Variants in AHCYL2 observed in about 807,000 individuals in gnomAD.
AHCYL2 encodes the protein S-adenosylhomocysteine hydrolase-like protein 2.
AHCYL2 carries 28 observed loss-of-function variants against 81.4 expected under a neutral mutation model. The observed-to-expected ratio is 0.34, with a 90% CI of 0.25 to 0.47. AHCYL2 has a LOEUF of 0.47. AHCYL2 is among the 20% of genes least tolerant of loss of function. The pLI, the probability that AHCYL2 is intolerant of heterozygous loss-of-function variation, is 1.00. For missense variants in AHCYL2, 551 were observed against 785.1 expected (o/e 0.70, Z 3.56); for synonymous variants, 272 against 290.2 (o/e 0.94, Z 0.64).
chr7:129,308,298 T>C (rs1333268479), intron 1 of AHCYL2, among the ~76,000 whole-genome samples: 3 of 152,170 alleles, frequency 2.0e-5, no homozygotes, highest in African/African-American at 4.8e-5. Context: ...CCCCTCTGGC[T>C]AGGGCTTTTC....
chr7:129,413,663 G>C lies in AHCYL2; in HGVS notation c.1436G>C (p.Gly479Ala), dbSNP rs1403986905. The C allele has an allele frequency of 6.2e-7, 1 of 1,613,942 alleles. No homozygotes were observed. The highest frequency in any genetic ancestry group is 8.5e-7 in the Non-Finnish European group (1 of 1,180,008). Reference sequence around the variant, plus strand: ...AATAGCTGCATCGTTTGTAACATGGGACATTCCAACACAGAGATTGACGTG... The same window carrying C: ...AATAGCTGCATCGTTTGTAACATGGCACATTCCAACACAGAGATTGACGTG... ...MKNSCIVCNM[G>A]HSNTEIDVAS... Residue 479 changes from glycine to alanine, a missense_variant, in exon 12 of 17, where the codon GGA becomes GCA. Transcript: ENST00000325006.
At chr7:129,421,582 G>A (rs1797120840) in intron 12 of AHCYL2, among the ~76,000 whole-genome samples, 1 of 152,136 alleles carries the variant, frequency 6.6e-6, no homozygotes. Context: ...CTCCAGAAAG[G>A]TTGAACCAAT....
intron 1 of AHCYL2, among the ~76,000 whole-genome samples, chr7:129,305,387 G>A (rs1797404193): frequency 6.6e-6 from 1 of 152,114 alleles, no homozygotes; most frequent in Non-Finnish European, 1.5e-5. Context: ...TTGAATCCGG[G>A]AGGCAGAGGT....
intron 1 of AHCYL2, among the ~76,000 whole-genome samples, chr7:129,237,149 A>T (rs1794669218): frequency 6.6e-6 from 1 of 152,090 alleles, no homozygotes; most frequent in South Asian, 2.1e-4. Flanking sequence ...TTTGGCTTCA[A>T]CATTTTGTGT....
intron 1 of AHCYL2, among the ~76,000 whole-genome samples, chr7:129,247,839 C>G (rs1163357844): frequency 6.6e-6 from 1 of 152,142 alleles, no homozygotes. Context: ...TGGGTTCAAT[C>G]AATCTGCCCA....
intron 1 of AHCYL2, among the ~76,000 whole-genome samples, chr7:129,371,704 TTC>T (rs1481087304): frequency 6.6e-6 from 1 of 152,238 alleles, no homozygotes; most frequent in Non-Finnish European, 1.5e-5. Flanking sequence ...CAATAACTTT[TTC>T]TGTGTTTCAA....
In AHCYL2 at chr7:129,279,648, C is replaced by T. The variant is rs192876228; in HGVS notation, c.363+54209C>T. ...ATGGCTGCTTCATAAGCAGAGCAGC[C>T]CTGAGTGCTGCTGGTTGGCTATTTT... On this transcript the variant is annotated intron_variant, in intron 1 of 16. Coordinates refer to ENST00000325006, the MANE Select transcript of AHCYL2 (RefSeq NM_015328.4). Among the ~76,000 whole-genome samples the T allele has an allele frequency of 1.8e-3, 272 of 152,146 alleles. 1 individual carries two copies. The highest frequency in any genetic ancestry group is 5.9e-3 in the African/African-American group (244 of 41,506).
At chr7:129,346,586 A>G (rs938187284) in intron 1 of AHCYL2, among the ~76,000 whole-genome samples, 12 of 152,202 alleles carry the variant, frequency 7.9e-5, no homozygotes, top group Admixed American at 6.5e-4. Context: ...TTGAAATACC[A>G]CTACTCATCT....
intron 1 of AHCYL2, among the ~76,000 whole-genome samples, chr7:129,301,828 AGCTTT>A (rs1221977328): frequency 1.3e-5 from 2 of 151,562 alleles, no homozygotes; most frequent in Non-Finnish European, 2.9e-5. Context: ...TGCCCATGAT[AGCTTT>A]GACTATTCTG....
intron 1 of AHCYL2, among the ~76,000 whole-genome samples, chr7:129,243,891 C>A (rs1410353519): frequency 2.6e-5 from 4 of 152,112 alleles, no homozygotes; most frequent in Admixed American, 2.6e-4. Context: ...CCATGCCTGG[C>A]CTTCACAGTC....
At position 129,379,727 on chromosome 7, in the gene AHCYL2, A is replaced by G. The variant is rs377257813; in HGVS notation, c.453A>G (p.Ser151=). 6.2e-7 allele frequency: 1 copy of G among 1,614,092 alleles called. No individual in the cohort carries two copies. ...RRSLSRSISQ[S]STDSYSSAAS... is the part of the protein sequence containing the mutation. ...CTTTGTCTCGTTCCATTTCTCAGTC[A>G]TCTACTGACAGCTACAGCTCAGGTG... The change falls in exon 2 of 17, where the codon TCA becomes TCG. Residue 151 remains serine (S), a synonymous_variant. Coordinates refer to ENST00000325006, the MANE Select transcript of AHCYL2 (RefSeq NM_015328.4).
intron 1 of AHCYL2, among the ~76,000 whole-genome samples, chr7:129,377,248 T>G (rs1338565417): frequency 6.6e-6 from 1 of 152,194 alleles, no homozygotes; most frequent in South Asian, 2.1e-4. Context: ...AAAGTTCATG[T>G]ACGTCCTATG....
intron 1 of AHCYL2, among the ~76,000 whole-genome samples, chr7:129,353,571 T>C (rs1167752449): frequency 6.6e-6 from 1 of 151,172 alleles, no homozygotes; most frequent in Non-Finnish European, 1.5e-5. Flanking sequence ...TACTTAATTT[T>C]TTATCCGTCT....
At position 129,428,580 on chromosome 7, in the gene AHCYL2, A is replaced by C. The variant is rs1797453254; in HGVS notation, c.*1535A>C. ...TTTTTCCTATGCTGGTCTGCCTCAA[A>C]GTCTCAAGACCAAGGTGACTCAAGA... On this transcript the variant is annotated 3_prime_UTR_variant, in exon 17 of 17. Coordinates refer to ENST00000325006, the MANE Select transcript of AHCYL2 (RefSeq NM_015328.4). 2 of 152,198 alleles carry C rather than the reference A, an allele frequency of 1.3e-5. No individual in the cohort carries two copies. Among genetic ancestry groups the C allele is most frequent in the Non-Finnish European group, 2.9e-5 (2 of 68,062 alleles). The allele number at this position is 152,198 out of a possible 1,614,324, so 9.4% of individuals were successfully genotyped here.
At chr7:129,267,920 C>G (rs1395752043) in intron 1 of AHCYL2, among the ~76,000 whole-genome samples, 1 of 151,920 alleles carries the variant, frequency 6.6e-6, no homozygotes, top group Non-Finnish European at 1.5e-5. Context: ...TTAAAAGTAC[C>G]TATAACATGG....
chr7:129,338,276 G>A (rs537159051), intron 1 of AHCYL2, among the ~76,000 whole-genome samples: 74 of 151,932 alleles, frequency 4.9e-4, no homozygotes, highest in Non-Finnish European at 9.4e-4. Flanking sequence ...AGCCTTCTGA[G>A]TAGCTAGGAC....
chr7:129,340,095 T>C (rs1793116311), intron 1 of AHCYL2, among the ~76,000 whole-genome samples: 1 of 147,130 alleles, frequency 6.8e-6, no homozygotes, highest in Non-Finnish European at 1.5e-5. Flanking sequence ...ATTTTTTGTA[T>C]TTTTTTTTAG....
At chr7:129,312,964 A>T (rs1449324967) in intron 1 of AHCYL2, among the ~76,000 whole-genome samples, 2 of 152,176 alleles carry the variant, frequency 1.3e-5, no homozygotes, top group Admixed American at 1.3e-4. Context: ...CTGCTTCTGC[A>T]CTTGCTACTT....
At chr7:129,420,565 G>A (rs574527160) in intron 12 of AHCYL2, among the ~76,000 whole-genome samples, 31 of 145,124 alleles carry the variant, frequency 2.1e-4, no homozygotes, top group Admixed American at 1.5e-3. Context: ...CTGCAGACTC[G>A]ACTTCCTGGG....
Sources: allele counts gnomAD v4.1 joint callset (sites outside exome capture counted in the v4.1 genomes callset), GRCh38; gene constraint gnomAD v4.1.1; transcripts MANE v1.5; gene names NCBI Gene and HGNC (gene_info 2026-07-23, HGNC 2026-07-21).